The following USF3 variants were observed in gnomAD, a reference collection of about 807,000 sequenced individuals.
USF3 encodes upstream transcription factor family member 3.
USF3 carries 29 observed loss-of-function variants against 157.5 expected under a neutral mutation model. That is an observed-to-expected ratio of 0.18 (90% CI 0.14 to 0.25). The LOEUF (loss-of-function observed/expected upper bound fraction) is 0.25, where lower values mean the gene tolerates loss of function less well. USF3 is among the 10% of genes least tolerant of loss of function. The probability of loss-of-function intolerance (pLI) is 1.00; values close to 1 mark genes in which losing one functional copy is unlikely to be tolerated. For missense variants in USF3, 2,381 were observed against 2,667.6 expected (o/e 0.89, Z 2.37); for synonymous variants, 893 against 941.4 (o/e 0.95, Z 0.94).
At position 113,659,483 on chromosome 3, in the gene USF3, C is replaced by T; in HGVS notation, c.2199G>A (p.Gln733=). 1 of 1,614,244 alleles carries T rather than the reference C, an allele frequency of 6.2e-7. No individual in the cohort carries two copies. The highest frequency in any genetic ancestry group is 1.3e-5 in the African/African-American group (1 of 75,066). The change falls in exon 7 of 7, where the codon CAG becomes CAA. Residue 733 remains glutamine, a synonymous_variant. Transcript: ENST00000316407. ...GQSCVQLSIS[Q]PANSQTAANS... ...TTGCAGCAGTTTGAGAATTGGCAGG[C>T]TGGCTAATAGACAATTGTACACAGC...
At position 113,661,026 on chromosome 3, in the gene USF3, G is replaced by A; in HGVS notation, c.656C>T (p.Thr219Ile). The A allele has an allele frequency of 6.2e-7, 1 of 1,614,112 alleles. No homozygotes were observed. The highest frequency in any genetic ancestry group is 8.5e-7 in the Non-Finnish European group (1 of 1,180,022). ...WHQTTVPALA[T>I]NQPVPLCLPA... ...AAGACAAAGAGGAACAGGCTGGTTG[G>A]TAGCCAATGCAGGAACTGTGGTCTG... Residue 219 changes from threonine to isoleucine, a missense_variant, in exon 7 of 7, where the codon ACC (threonine) becomes ATC (isoleucine). Physicochemically the swap from Thr to Ile is moderately conservative, Grantham distance 89 (BLOSUM62 -1). Around this residue, in one of 6 missense-constraint regions of USF3, gnomAD observed 1,435 missense variants for 1,550.9 expected, o/e 0.93. Coordinates refer to ENST00000316407, the MANE Select transcript of USF3 (RefSeq NM_001009899.4).
At position 113,656,313 on chromosome 3, in the gene USF3, T is replaced by A; in HGVS notation, c.5369A>T (p.Lys1790Met). Reference sequence around the variant, plus strand: ...CTGAACTGGTGGGTAAGATAATCTCTTTTGACGGTCAATTGGTGGGGGGCC... The same window carrying A: ...CTGAACTGGTGGGTAAGATAATCTCATTTGACGGTCAATTGGTGGGGGGCC... The part of the protein sequence containing the change: ...NTGPPPIDRQ[K>M]RLSYPPVQSI... Residue 1790 changes from lysine (K) to methionine (M), a missense_variant, in exon 7 of 7, where the codon AAG becomes ATG. By Grantham distance (95) the Lys-to-Met change is moderately conservative. Transcript: ENST00000316407. 6.2e-7 allele frequency: 1 copy of A among 1,614,170 alleles called. No individual in the cohort carries two copies. The highest frequency in any genetic ancestry group is 1.3e-5 in the African/African-American group (1 of 75,048).
intron 5 of USF3, among the ~76,000 whole-genome samples, chr3:113,669,024 T>C (rs924865037): frequency 5.3e-5 from 8 of 152,046 alleles, no homozygotes; most frequent in Non-Finnish European, 1.2e-4. Flanking sequence ...AAGATAAGTA[T>C]ATGAAAAATT....
At position 113,649,002 on chromosome 3, in the gene USF3, T is replaced by C. The variant is rs1319300147; in HGVS notation, c.*5942A>G. 1.3e-5 allele frequency: 2 copies of C among 152,516 alleles called. No individual in the cohort carries two copies. Among genetic ancestry groups the C allele is most frequent in the African/African-American group, 4.8e-5 (2 of 41,392 alleles). The allele number at this position is 152,516 out of a possible 1,614,324, so 9.4% of individuals were successfully genotyped here. A position where few individuals can be genotyped will look rare whatever the true frequency, so the allele number is the denominator to read the frequency against. On this transcript the variant is annotated 3_prime_UTR_variant, in exon 7 of 7. Transcript: ENST00000316407. ...ATCTGGTCCCTTTCTTCTTGGAAGATCAATAGTTCAACTCCCCTTAACTGT... is the reference window on the plus strand; with the variant it reads ...ATCTGGTCCCTTTCTTCTTGGAAGACCAATAGTTCAACTCCCCTTAACTGT...
chr3:113,665,872 T>C (rs925412413), intron 5 of USF3, among the ~76,000 whole-genome samples: 5 of 150,802 alleles, frequency 3.3e-5, no homozygotes, highest in Non-Finnish European at 5.9e-5. Flanking sequence ...AAGGATTTTG[T>C]ATTTCCTTAC....
chr3:113,662,510 C>A (rs1405580058), intron 6 of USF3, among the ~76,000 whole-genome samples: 2 of 152,166 alleles, frequency 1.3e-5, no homozygotes, highest in Non-Finnish European at 2.9e-5. Flanking sequence ...TGTGAGGGAG[C>A]CTGAAATGAA....
In USF3 at chr3:113,657,190, C is replaced by T. The variant is rs1947377366; in HGVS notation, c.4492G>A (p.Ala1498Thr). ...LYQMQHHVPH[A>T]ESSVHSQPHN... The stretch of plus-strand genomic sequence containing the variant: ...GGCTGAGAGTGGACAGAGCTCTCTG[C>T]ATGAGGTACATGATGCTGCATTTGA... Residue 1498 changes from alanine to threonine, a missense_variant, in exon 7 of 7, where the codon GCA becomes ACA. Physicochemically the swap from Ala to Thr is moderately conservative, Grantham distance 58. Coordinates refer to ENST00000316407, the MANE Select transcript of USF3 (RefSeq NM_001009899.4). 3 of 1,614,024 alleles carry T rather than the reference C, an allele frequency of 1.9e-6. No homozygotes were observed. Among genetic ancestry groups the T allele is most frequent in the East Asian group, 2.2e-5 (1 of 44,894 alleles).
intron 6 of USF3, among the ~76,000 whole-genome samples, chr3:113,662,793 T>A (rs1472930070): frequency 6.6e-6 from 1 of 152,170 alleles, no homozygotes; most frequent in African/African-American, 2.4e-5. Context: ...TCTTGTATTA[T>A]CTCTTTTAAT....
rs375483829 is a variant in USF3 at position 113,684,502 on chromosome 3, T to C, written c.-134-7105A>G. On this transcript the variant is annotated intron_variant, in intron 1 of 6. Transcript: ENST00000316407. The stretch of plus-strand genomic sequence containing the variant: ...ACCAATAACTCTTAGATTTCCCCTT[T>C]TGAAGCTATTTTCTAAATCCTGTGG... Among the ~76,000 whole-genome samples the C allele has an allele frequency of 2.2e-4, 34 of 152,336 alleles. No homozygotes were observed. The East Asian group carries it at 2.9e-3, about 13-fold the overall frequency.
At chr3:113,691,886 C>G (rs778251263) in intron 1 of USF3, among the ~76,000 whole-genome samples, 2 of 152,148 alleles carry the variant, frequency 1.3e-5, no homozygotes, top group Non-Finnish European at 2.9e-5. Flanking sequence ...CCTGAGAACT[C>G]TTCATTATCC....
chr3:113,650,019 A>G lies in USF3; in HGVS notation c.*4925T>C, dbSNP rs2107907137. On this transcript the variant is annotated 3_prime_UTR_variant, in exon 7 of 7. Transcript: ENST00000316407. ...TATAAGTATCATAAAATCATCACTCACAGATTAACTTCACTAGTTTGTCTG... is the reference window on the plus strand; with the variant it reads ...TATAAGTATCATAAAATCATCACTCGCAGATTAACTTCACTAGTTTGTCTG... 1.7e-6 allele frequency: 1 copy of G among 605,094 alleles called. No homozygotes were observed. Among genetic ancestry groups the G allele is most frequent in the Admixed American group, 2.8e-5 (1 of 36,014 alleles). 37.5% of individuals were successfully genotyped at this position (605,094 alleles called of 1,614,324 possible).
chr3:113,696,080 C>G (rs1707790997), intron 1 of USF3, among the ~76,000 whole-genome samples: 1 of 152,252 alleles, frequency 6.6e-6, no homozygotes, highest in Admixed American at 6.5e-5. Flanking sequence ...CCTCTCGCCC[C>G]GCGCGCATCT....
chr3:113,694,569 G>A (rs781619924), intron 1 of USF3, among the ~76,000 whole-genome samples: 64 of 152,308 alleles, frequency 4.2e-4, no homozygotes, highest in African/African-American at 1.5e-3. Context: ...CAATACCTAT[G>A]TACACCTAAG....
intron 1 of USF3, among the ~76,000 whole-genome samples, chr3:113,684,070 G>T (rs1362531448): frequency 6.6e-6 from 1 of 152,140 alleles, no homozygotes; most frequent in Non-Finnish European, 1.5e-5. Flanking sequence ...TCTTTTGTTT[G>T]TCTGGGAAAG....
chr3:113,657,682 C>T lies in USF3; in HGVS notation c.4000G>A (p.Asp1334Asn). The change falls in exon 7 of 7, where the codon GAT (aspartate) becomes AAT (asparagine). Residue 1334 changes from aspartate to asparagine, a missense_variant. Physicochemically the swap from Asp to Asn is conservative, Grantham distance 23. This residue lies in a region of USF3 where 1,435 missense variants were observed against 1,550.9 expected (regional missense o/e 0.93). Transcript: ENST00000316407. ...TTAGCTGAAGACAGTAAAAGGTCAT[C>T]TTGGACAGCACGCTTAGCAGAATCC... The part of the protein sequence containing the change: ...RKDSAKRAVQ[D>N]DLLLSSAKRQ... 2 of 1,614,144 alleles carry T rather than the reference C, an allele frequency of 1.2e-6. No homozygotes were observed. Among genetic ancestry groups the T allele is most frequent in the Non-Finnish European group, 1.7e-6 (2 of 1,180,036 alleles).
intron 1 of USF3, among the ~76,000 whole-genome samples, chr3:113,678,637 C>T (rs1707337117): frequency 6.6e-6 from 1 of 151,880 alleles, no homozygotes; most frequent in Non-Finnish European, 1.5e-5. Flanking sequence ...TTCATAAATC[C>T]CTGTCCACTT....
At chr3:113,668,812 G>A (rs1286570969) in intron 5 of USF3, among the ~76,000 whole-genome samples, 3 of 152,076 alleles carry the variant, frequency 2.0e-5, no homozygotes, top group African/African-American at 7.2e-5. Flanking sequence ...TAAGAAAAAA[G>A]ACTATTGGAA....
At position 113,655,670 on chromosome 3, in the gene USF3, A is replaced by T; in HGVS notation, c.6012T>A (p.Ser2004Arg). 6.2e-7 allele frequency: 1 copy of T among 1,614,064 alleles called. No homozygotes were observed. The change falls in exon 7 of 7, where the codon AGT becomes AGA. Residue 2004 changes from serine to arginine, a missense_variant. Ser to Arg is a moderately radical substitution (Grantham distance 110). Transcript: ENST00000316407. ...GGGGAAGACTTGGATCAAAGACAGTACTTTGCCTTTGGTTTCCAGAACGAT... is the reference window on the plus strand; with the variant it reads ...GGGGAAGACTTGGATCAAAGACAGTTCTTTGCCTTTGGTTTCCAGAACGAT... ...ERNRSGNQRQ[S>R]TVFDPSLPHL... is the part of the protein sequence containing the mutation.
chr3:113,673,504 C>A, intron 3 of USF3, 128 bp from the exon 4 acceptor site: 1 of 617,808 alleles, frequency 1.6e-6, no homozygotes, highest in South Asian at 1.9e-5. Context: ...AAGAAACAAT[C>A]TGAAGAAACA....
Sources: gnomAD v4.1 joint callset for allele counts (sites outside exome capture counted in the v4.1 genomes callset) on GRCh38, gnomAD v4.1.1 for gene constraint, gnomAD v4.1.1 regional missense constraint, MANE v1.5 for transcripts, NCBI Gene and HGNC (gene_info 2026-07-23, HGNC 2026-07-21) for gene names.